Variants in C16orf87 observed in about 807,000 individuals in gnomAD.
C16orf87 encodes HDAC and MIER1 interacting protein 1.
Under a neutral mutation model 21.0 loss-of-function variants are expected in C16orf87, and 13 were observed. The observed-to-expected ratio is 0.62, with a 90% CI of 0.40 to 0.98. C16orf87 has a LOEUF of 0.98. C16orf87 is among the 50% of genes least tolerant of loss of function. C16orf87 has a pLI of 0.00. For synonymous variants in C16orf87, 49 were observed against 60.2 expected, an observed-to-expected ratio of 0.81 and a Z score of 0.86; for missense variants, 113 against 180.4, an observed-to-expected ratio of 0.63 and a Z score of 2.14.
chr16:46,828,602 C>T (rs1395588853), intron 1 of C16orf87, among the ~76,000 whole-genome samples: 3 of 152,186 alleles, frequency 2.0e-5, no homozygotes, highest in Non-Finnish European at 4.4e-5. Context: ...GAAAATCTAG[C>T]TTTTTCTTCT....
intron 3 of C16orf87, among the ~76,000 whole-genome samples, chr16:46,807,744 C>CA (rs1037523907): frequency 2.9e-4 from 44 of 151,258 alleles, no homozygotes; most frequent in East Asian, 1.7e-3. Flanking sequence ...GTATCAAAAA[C>CA]AAAAAAAAGC....
intron 2 of C16orf87, among the ~76,000 whole-genome samples, chr16:46,812,899 T>C (rs560081522): frequency 6.6e-6 from 1 of 152,314 alleles, no homozygotes; most frequent in East Asian, 1.9e-4. Context: ...TCAACAAAGA[T>C]GACTACTACT....
Position 46,806,281 on chromosome 16 carries a change from C to T in C16orf87, c.347-3211G>A, listed in dbSNP as rs569896486. On this transcript the variant is annotated intron_variant, in intron 3 of 3. Transcript: ENST00000285697. Reference sequence around the variant, plus strand: ...TTTTTTTTTTTTTTTTTTTTTGAGACGGAGTCTCGCTCTGTCTCCAGGCTG... The same window carrying T: ...TTTTTTTTTTTTTTTTTTTTTGAGATGGAGTCTCGCTCTGTCTCCAGGCTG... 6.7e-5 allele frequency among the ~76,000 whole-genome samples: 9 copies of T among 135,162 alleles called. No homozygotes were observed. In the East Asian group the frequency reaches 1.7e-3, roughly 26 times the overall value. 88.7% of individuals were successfully genotyped at this position (135,162 alleles called of 152,430 possible).
rs1402708379 is a variant in C16orf87, at chr16:46,800,665, C to T, written c.*2287G>A. 6.6e-6 allele frequency: 1 copy of T among 152,194 alleles called. No homozygotes were observed. Among genetic ancestry groups the T allele is most frequent in the East Asian group, 1.9e-4 (1 of 5,204 alleles). 9.4% of individuals were successfully genotyped at this position (152,194 alleles called of 1,614,324 possible). ...TTAAGTAAAGAACTATAATTATACT[C>T]TTAGGACATCTGCTGATGACAGAGG... is the stretch of plus-strand genomic sequence containing the variant. On this transcript the variant is annotated 3_prime_UTR_variant, in exon 4 of 4. Coordinates refer to ENST00000285697, the MANE Select transcript of C16orf87 (RefSeq NM_001001436.4).
Position 46,802,946 on chromosome 16 carries a change from C to G in C16orf87, c.*6G>C. ...CAGAAGTTTCAGCAGATTTTGCAAA[C>G]AAGTATCAGAGAATAAGTCTTTGAT... is the stretch of plus-strand genomic sequence containing the variant. On this transcript the variant is annotated 3_prime_UTR_variant, in exon 4 of 4. Coordinates refer to ENST00000285697, the MANE Select transcript of C16orf87 (RefSeq NM_001001436.4). The G allele has an allele frequency of 1.4e-6, 2 of 1,388,652 alleles. No individual in the cohort carries two copies. Among genetic ancestry groups the G allele is most frequent in the Non-Finnish European group, 2.0e-6 (2 of 980,820 alleles). 86.0% of individuals were successfully genotyped at this position (1,388,652 alleles called of 1,614,324 possible).
intron 3 of C16orf87, 143 bp downstream of exon 3, chr16:46,809,460 A>G: frequency 1.6e-6 from 1 of 610,724 alleles, no homozygotes; most frequent in Non-Finnish European, 2.9e-6. Context: ...AGCATCTACC[A>G]CAGAGGAAAT....
Position 46,797,340 on chromosome 16 carries a change from T to A in C16orf87, c.*5612A>T, listed in dbSNP as rs1215520684. 5 of 151,946 alleles carry A rather than the reference T, an allele frequency of 3.3e-5. No homozygotes were observed. Among genetic ancestry groups the A allele is most frequent in the African/African-American group, 1.2e-4 (5 of 41,336 alleles). The allele number at this position is 151,946 out of a possible 1,614,324, so 9.4% of individuals were successfully genotyped here. A position where few individuals can be genotyped will look rare whatever the true frequency, so the allele number is the denominator to read the frequency against. On this transcript the variant is annotated 3_prime_UTR_variant, in exon 4 of 4. Coordinates refer to ENST00000285697, the MANE Select transcript of C16orf87 (RefSeq NM_001001436.4). ...AGGAAAAAATACATTATCTGATGAG[T>A]CTTATTTTTTATTTTTATTTTTTGA...
At position 46,802,845 on chromosome 16, in the gene C16orf87, C is replaced by T. The variant is rs1271513974; in HGVS notation, c.*107G>A. 5.9e-6 allele frequency: 4 copies of T among 674,892 alleles called. No homozygotes were observed. The highest frequency in any genetic ancestry group is 1.8e-5 in the South Asian group (1 of 54,982). 41.8% of individuals were successfully genotyped at this position (674,892 alleles called of 1,614,324 possible). ...AAACGACAGGCGAGAAAGAAACAATCGATGGCCCTTATTGATGCAGTCAGA... is the reference window on the plus strand; with the variant it reads ...AAACGACAGGCGAGAAAGAAACAATTGATGGCCCTTATTGATGCAGTCAGA... On this transcript the variant is annotated 3_prime_UTR_variant, in exon 4 of 4. Coordinates refer to ENST00000285697, the MANE Select transcript of C16orf87 (RefSeq NM_001001436.4).
chr16:46,816,243 G>A (rs1366932935), intron 2 of C16orf87, among the ~76,000 whole-genome samples: 2 of 152,088 alleles, frequency 1.3e-5, no homozygotes, highest in Non-Finnish European at 2.9e-5. Context: ...AGAAGGAAGT[G>A]GCTGTCATTG....
intron 2 of C16orf87, among the ~76,000 whole-genome samples, chr16:46,821,630 T>C (rs1041664849): frequency 6.6e-6 from 1 of 152,220 alleles, no homozygotes; most frequent in Non-Finnish European, 1.5e-5. Context: ...TTACATAACA[T>C]TGTGCTGTTG....
At chr16:46,829,516 C>T (rs1464647874) in intron 1 of C16orf87, among the ~76,000 whole-genome samples, 1 of 152,124 alleles carries the variant, frequency 6.6e-6, no homozygotes, top group Non-Finnish European at 1.5e-5. Flanking sequence ...TTGTGCCTTA[C>T]AGAAATTGGA....
intron 3 of C16orf87, among the ~76,000 whole-genome samples, chr16:46,808,382 C>G (rs919794974): frequency 5.3e-5 from 8 of 152,110 alleles, no homozygotes; most frequent in Non-Finnish European, 1.0e-4. Flanking sequence ...TAACTTTATT[C>G]AAATAAAAGC....
At chr16:46,818,189 C>T (rs1450695732) in intron 2 of C16orf87, among the ~76,000 whole-genome samples, 3 of 152,070 alleles carry the variant, frequency 2.0e-5, no homozygotes, top group African/African-American at 7.2e-5. Flanking sequence ...AAGTAAAGAA[C>T]AATACTTTCT....
intron 2 of C16orf87, among the ~76,000 whole-genome samples, chr16:46,811,681 T>C (rs952804680): frequency 6.6e-6 from 1 of 151,974 alleles, no homozygotes; most frequent in Non-Finnish European, 1.5e-5. Flanking sequence ...AGTGACACCA[T>C]GGGGATACAA....
At chr16:46,812,568 T>C (rs1416775196) in intron 2 of C16orf87, among the ~76,000 whole-genome samples, 1 of 152,284 alleles carries the variant, frequency 6.6e-6, no homozygotes, top group East Asian at 1.9e-4. Flanking sequence ...CTTTTGCATA[T>C]GCTTAGAATT....
In C16orf87 at chr16:46,802,644, C is replaced by T. The variant is rs1967809966; in HGVS notation, c.*308G>A. ...TAGTTTTCATACCTACCCCATACCC[C>T]ATCACTTTTTATCCTTTAACATCCA... On this transcript the variant is annotated 3_prime_UTR_variant, in exon 4 of 4. Transcript: ENST00000285697. 5.1e-6 allele frequency: 1 copy of T among 195,524 alleles called. No homozygotes were observed. The highest frequency in any genetic ancestry group is 1.3e-4 in the East Asian group (1 of 7,980). The allele number at this position is 195,524 out of a possible 1,614,324, so 12.1% of individuals were successfully genotyped here.
rs894172972 is a variant in C16orf87, at chr16:46,798,937, C to T, written c.*4015G>A. 3 of 152,052 alleles carry T rather than the reference C, an allele frequency of 2.0e-5. No individual in the cohort carries two copies. The Middle Eastern group carries it at 0.01, about 517-fold the overall frequency. The allele number at this position is 152,052 out of a possible 1,614,324, so 9.4% of individuals were successfully genotyped here. ...ACTAAAGGGTATTTTTTCAAGCCCA[C>T]AACAACAACAAAGTTATTTAATGCT... On this transcript the variant is annotated 3_prime_UTR_variant, in exon 4 of 4. Transcript: ENST00000285697.
chr16:46,829,954 A>G (rs1019141180), intron 1 of C16orf87, among the ~76,000 whole-genome samples: 3 of 141,108 alleles, frequency 2.1e-5, no homozygotes, highest in South Asian at 2.3e-4. Context: ...CGGTGGGGGG[A>G]GGGGAGGAGA....
intron 2 of C16orf87, among the ~76,000 whole-genome samples, chr16:46,811,523 A>G (rs1968084336): frequency 1.3e-5 from 2 of 151,314 alleles, no homozygotes; most frequent in South Asian, 2.1e-4. Flanking sequence ...AAAAAGAGAG[A>G]GAGAAGCAGA....
Sources: allele counts gnomAD v4.1 joint callset (sites outside exome capture counted in the v4.1 genomes callset), GRCh38; gene constraint gnomAD v4.1.1; transcripts MANE v1.5; gene names NCBI Gene and HGNC (gene_info 2026-07-23, HGNC 2026-07-21).